The following FAM135A variants were observed in gnomAD, a reference collection of about 807,000 sequenced individuals.
FAM135A encodes protein FAM135A.
A neutral mutation model predicts 146.8 loss-of-function variants in FAM135A; 79 were observed. The observed-to-expected ratio is 0.54, with a 90% CI of 0.45 to 0.65. FAM135A has a LOEUF of 0.65. Ranked by LOEUF, FAM135A falls within the 30% of genes least tolerant of loss-of-function variation. The pLI is 0.00. For synonymous variants in FAM135A, 562 were observed against 603.6 expected (o/e 0.93, Z 1.01); for missense variants, 1,623 against 1,758.2 (o/e 0.92, Z 1.38).
At chr6:70,512,541 C>T (rs1026493848) in intron 12 of FAM135A, among the ~76,000 whole-genome samples, 1 of 151,796 alleles carries the variant, frequency 6.6e-6, no homozygotes, top group Admixed American at 6.6e-5. Context: ...CAGTCTTTAA[C>T]TACTATAGTA....
At chr6:70,502,536 C>G in intron 11 of FAM135A, 100 bp from the exon 12 acceptor site, 1 of 1,227,260 alleles carries the variant, frequency 8.1e-7, no homozygotes, top group Non-Finnish European at 1.1e-6. Context: ...TTTTTTAAAC[C>G]ACAAATTTGC....
intron 12 of FAM135A, among the ~76,000 whole-genome samples, chr6:70,516,199 T>TA (rs1792169089): frequency 1.1e-4 from 16 of 152,288 alleles, no homozygotes; most frequent in African/African-American, 3.4e-4. Flanking sequence ...ACATTTGAAT[T>TA]TCTTGGGAAC....
At chr6:70,452,304 T>G (rs1562446861) in intron 4 of FAM135A, among the ~76,000 whole-genome samples, 188 bp from the exon 5 acceptor site, 1 of 152,076 alleles carries the variant, frequency 6.6e-6, no homozygotes, top group South Asian at 2.1e-4. Context: ...GTTTCTCTTT[T>G]GGTTTTATGC....
At chr6:70,475,887 A>G (rs1311143883) in intron 7 of FAM135A, among the ~76,000 whole-genome samples, 154 bp downstream of exon 7, 1 of 152,182 alleles carries the variant, frequency 6.6e-6, no homozygotes, top group Non-Finnish European at 1.5e-5. Flanking sequence ...TGATTAGGCC[A>G]GCTCTATTGT....
At chr6:70,470,337 A>G (rs1781358519) in intron 5 of FAM135A, among the ~76,000 whole-genome samples, 1 of 152,044 alleles carries the variant, frequency 6.6e-6, no homozygotes, top group African/African-American at 2.4e-5. Flanking sequence ...CTTCTGCTGT[A>G]TTCACACAAA....
chr6:70,420,007 G>A (rs930529980), intron 2 of FAM135A, among the ~76,000 whole-genome samples: 2 of 152,196 alleles, frequency 1.3e-5, no homozygotes, highest in South Asian at 4.1e-4. Flanking sequence ...TTTGCCTTAT[G>A]TGGTATCTTT....
intron 4 of FAM135A, among the ~76,000 whole-genome samples, chr6:70,444,814 C>T (rs780078530): frequency 6.6e-6 from 1 of 152,094 alleles, no homozygotes; most frequent in Admixed American, 6.6e-5. Context: ...TACTATATGA[C>T]ATTCTAGTAG....
intron 4 of FAM135A, among the ~76,000 whole-genome samples, chr6:70,435,109 A>ATT (rs1213346179): frequency 3.6e-4 from 23 of 64,720 alleles, no homozygotes; most frequent in Admixed American, 1.7e-3. Flanking sequence ...ATATATATAT[A>ATT]TTTTTTTTTT....
At chr6:70,414,969 A>G (rs1457650667) in intron 1 of FAM135A, among the ~76,000 whole-genome samples, 1 of 152,222 alleles carries the variant, frequency 6.6e-6, no homozygotes, top group Non-Finnish European at 1.5e-5. Context: ...CTTTTTTAAA[A>G]TGTATTATTA....
chr6:70,441,716 ACT>A lies in FAM135A; in HGVS notation c.78-10773_78-10772del, dbSNP rs559723586. ...TTTTTTTTTTTTGAGATGGAGTCTCACTCTGTCGCCCAGGCCAGAGTGCACTG... is the reference window on the plus strand; with the variant it reads ...TTTTTTTTTTTTGAGATGGAGTCTCACTGTCGCCCAGGCCAGAGTGCACTG... On this transcript the variant is annotated intron_variant, in intron 4 of 21. Transcript: ENST00000418814. Among the ~76,000 whole-genome samples, 43 of 142,316 alleles carry A rather than the reference ACT, an allele frequency of 3.0e-4. 2 individuals are homozygous for A. In the South Asian group the frequency reaches 7.7e-3, roughly 26 times the overall value. 93.4% of individuals were successfully genotyped at this position (142,316 alleles called of 152,430 possible). A position where few individuals can be genotyped will look rare whatever the true frequency, so the allele number is the denominator to read the frequency against.
intron 12 of FAM135A, among the ~76,000 whole-genome samples, chr6:70,518,006 A>G (rs377291791): frequency 3.3e-5 from 5 of 152,210 alleles, no homozygotes; most frequent in Admixed American, 2.6e-4. Context: ...AAGTTTCTCA[A>G]TTTAAATCAG....
chr6:70,459,701 T>A (rs887122781), intron 5 of FAM135A, among the ~76,000 whole-genome samples: 2 of 152,234 alleles, frequency 1.3e-5, no homozygotes, highest in East Asian at 1.9e-4. Flanking sequence ...TGGAAAAAAA[T>A]TTTTTATCAA....
chr6:70,528,433 C>G lies in FAM135A; in HGVS notation c.3756C>G (p.Val1252=), dbSNP rs1207524431. 8 of 1,609,422 alleles carry G rather than the reference C, an allele frequency of 5.0e-6. No homozygotes were observed. The East Asian group carries it at 1.8e-4, about 36-fold the overall frequency. The change falls in exon 16 of 22, where the codon GTC becomes GTG. Residue 1252 remains valine, a synonymous_variant. Transcript: ENST00000418814. The part of the protein sequence containing the change: ...DGSEDGVHLI[V]CVHGLDGNSA... ...CTGAAGATGGAGTACATCTGATTGT[C>G]TGTGTGCACGGTTTAGATGGTATGT...
At chr6:70,456,072 G>A (rs1346704259) in intron 5 of FAM135A, among the ~76,000 whole-genome samples, 1 of 152,148 alleles carries the variant, frequency 6.6e-6, no homozygotes, top group African/African-American at 2.4e-5. Flanking sequence ...GGATGGTCAC[G>A]ATCTCTTGAC....
intron 4 of FAM135A, among the ~76,000 whole-genome samples, chr6:70,447,083 G>T (rs113837120): frequency 6.6e-6 from 1 of 152,084 alleles, no homozygotes; most frequent in Non-Finnish European, 1.5e-5. Context: ...TAAATTGAGC[G>T]GGTTGAATTG....
chr6:70,502,696 T>C lies in FAM135A; in HGVS notation c.934T>C (p.Ser312Pro). Residue 312 changes from serine (S) to proline (P), a missense_variant, in exon 12 of 22, where the codon TCA (serine) becomes CCA (proline). Coordinates refer to ENST00000418814, the MANE Select transcript of FAM135A (RefSeq NM_001162529.3). ...LINMNLAQLC[S>P]LLMALWGQFL... is the part of the protein sequence containing the mutation. ...AAATATGAATCTTGCGCAACTTTGC[T>C]CACTTTTGATGGCTTTATGGGGACA... 6.2e-7 allele frequency: 1 copy of C among 1,613,486 alleles called. No individual in the cohort carries two copies. Among genetic ancestry groups the C allele is most frequent in the South Asian group, 1.1e-5 (1 of 90,972 alleles).
intron 5 of FAM135A, among the ~76,000 whole-genome samples, chr6:70,453,079 G>A (rs1484898333): frequency 6.6e-6 from 1 of 152,126 alleles, no homozygotes; most frequent in Non-Finnish European, 1.5e-5. Context: ...AGAGACACCA[G>A]CATTAAAGGG....
chr6:70,537,693 T>C (rs976432022), intron 19 of FAM135A, among the ~76,000 whole-genome samples: 2 of 152,216 alleles, frequency 1.3e-5, no homozygotes, highest in Non-Finnish European at 2.9e-5. Flanking sequence ...GAATATTTCA[T>C]AGTCTTGAAA....
In FAM135A at chr6:70,525,666, C is replaced by A; in HGVS notation, c.2582C>A (p.Pro861His). 1 of 1,612,524 alleles carries A rather than the reference C, an allele frequency of 6.2e-7. No individual in the cohort carries two copies. Among genetic ancestry groups the A allele is most frequent in the Non-Finnish European group, 8.5e-7 (1 of 1,179,426 alleles). ...GAAAATTCTAAGAAATCTGTTGTAC[C>A]TGAATGCCATCTAAATGATAGCAAA... ...PDENSKKSVV[P>H]ECHLNDSKTV... Residue 861 changes from proline to histidine, a missense_variant, in exon 15 of 22, where the codon CCT becomes CAT. Pro to His is a moderately conservative substitution (Grantham distance 77). Transcript: ENST00000418814.
Sources: allele counts gnomAD v4.1 joint callset (sites outside exome capture counted in the v4.1 genomes callset), GRCh38; gene constraint gnomAD v4.1.1; transcripts MANE v1.5; gene names NCBI Gene and HGNC (gene_info 2026-07-23, HGNC 2026-07-21).